LTK: variants seen among roughly 807,000 people sequenced by gnomAD.
The protein encoded by LTK is leukocyte tyrosine kinase receptor.
Under a neutral mutation model 101.5 loss-of-function variants are expected in LTK, and 117 were observed. The ratio of observed to expected loss-of-function variants is 1.15; its 90% CI spans 0.99 to 1.34. The LOEUF (loss-of-function observed/expected upper bound fraction) is 1.34. LTK is among the 40% of genes most tolerant of loss of function. LTK has a pLI of 0.00. For synonymous variants in LTK, 563 were observed against 494.2 expected, an observed-to-expected ratio of 1.14 and a Z score of -1.85; for missense variants, 1,252 against 1,164.7, an observed-to-expected ratio of 1.07 and a Z score of -1.09.
chr15:41,504,349 C>T lies in LTK; in HGVS notation c.2339G>A (p.Cys780Tyr), dbSNP rs756389477. 4 of 1,613,982 alleles carry T rather than the reference C, an allele frequency of 2.5e-6. No individual in the cohort carries two copies. The African/African-American group carries it at 5.3e-5, about 22-fold the overall frequency. Residue 780 changes from cysteine to tyrosine, a missense_variant, in exon 19 of 20, where the codon TGC (cysteine) becomes TAC (tyrosine). Coordinates refer to ENST00000263800, the MANE Select transcript of LTK (RefSeq NM_002344.6). ...FASILERLQY[C>Y]TQDPDVLNSL... ...ATTAGGTCGGGGGCACACCTGAGTG[C>T]AGTACTGCAGACGCTCCAAGATGCT...
In LTK at chr15:41,503,984, G is replaced by A. The variant is rs1220738128; in HGVS notation, c.*12C>T. The A allele has an allele frequency of 6.3e-7, 1 of 1,585,208 alleles. No homozygotes were observed. Among genetic ancestry groups the A allele is most frequent in the South Asian group, 1.1e-5 (1 of 87,434 alleles). On this transcript the variant is annotated 3_prime_UTR_variant, in exon 20 of 20. Coordinates refer to ENST00000263800, the MANE Select transcript of LTK (RefSeq NM_002344.6). ...CAGTGCCTCAGTCCTTACCCTCAGG[G>A]CCCCTTGGGGCTCAGGAGCGATAAG...
Position 41,507,537 on chromosome 15 carries a change from A to G in LTK, c.1345+25T>C, listed in dbSNP as rs371281076. The G allele has an allele frequency of 3.2e-5, 51 of 1,610,384 alleles. 1 individual carries two copies. In the East Asian group the frequency reaches 1.1e-3, roughly 33 times the overall value. On this transcript the variant is annotated intron_variant, in intron 10 of 19. Transcript: ENST00000263800. ...ACTGGAGAGGAGCAGCCTTGAATCA[A>G]CTGTGCCTGCTAGACGCTTCGTACC...
rs1032660029 is a variant in LTK, at chr15:41,504,798, T to C, written c.2095A>G (p.Ile699Val). The C allele has an allele frequency of 1.2e-6, 2 of 1,612,898 alleles. No individual in the cohort carries two copies. Among genetic ancestry groups the C allele is most frequent in the African/African-American group, 1.3e-5 (1 of 74,894 alleles). The change falls in exon 17 of 20, where the codon ATC becomes GTC. Residue 699 changes from isoleucine (I) to valine (V), a missense_variant. By Grantham distance (29) the Ile-to-Val change is conservative (BLOSUM62 3). Transcript: ENST00000263800. ...WMPPEAFLEG[I>V]FTSKTDSWSF... ...CAGGAATCTGTCTTGGATGTGAAGA[T>C]GCCCTCCAGGAAGGCCTCTGGGGGC...
At position 41,511,714 on chromosome 15, in the gene LTK, G is replaced by C. The variant is rs1453054809; in HGVS notation, c.657+103C>G. Reference sequence around the variant, plus strand: ...CCAGCCCAGGCCAGCCCAGCCCAGCGCAGGGATAGGGGGACCCCAAGGGAC... The same window carrying C: ...CCAGCCCAGGCCAGCCCAGCCCAGCCCAGGGATAGGGGGACCCCAAGGGAC... On this transcript the variant is annotated intron_variant, in intron 5 of 19. Transcript: ENST00000263800. This position sits in a 1 kb window ranked among gnomAD's most constrained non-coding sequence, Gnocchi z 5.9. The C allele has an allele frequency of 1.4e-6, 2 of 1,429,054 alleles. No homozygotes were observed. Among genetic ancestry groups the C allele is most frequent in the Non-Finnish European group, 1.8e-6 (2 of 1,100,496 alleles). The allele number at this position is 1,429,054 out of a possible 1,614,324, so 88.5% of individuals were successfully genotyped here. A position where few individuals can be genotyped will look rare whatever the true frequency, so the allele number is the denominator to read the frequency against.
chr15:41,513,648 A>C lies in LTK; in HGVS notation c.43+19T>G. 6.2e-7 allele frequency: 1 copy of C among 1,612,644 alleles called. No individual in the cohort carries two copies. The highest frequency in any genetic ancestry group is 8.5e-7 in the Non-Finnish European group (1 of 1,179,466). Reference sequence around the variant, plus strand: ...GTGCCTCAGGCTGGACGGTCCCCTGACCGCCAGATAGCACTTACCCGCGGC... The same window carrying C: ...GTGCCTCAGGCTGGACGGTCCCCTGCCCGCCAGATAGCACTTACCCGCGGC... On this transcript the variant is annotated intron_variant, in intron 1 of 19. Transcript: ENST00000263800.
Position 41,507,085 on chromosome 15 carries a change from G to A in LTK, c.1541+10C>T. The stretch of plus-strand genomic sequence containing the variant: ...GTGCATAGGTTCTCAGAAGGAGGCA[G>A]AAGACTTACCTGAGCAGAGTAACAT... On this transcript the variant is annotated intron_variant, in intron 11 of 19. Coordinates refer to ENST00000263800, the MANE Select transcript of LTK (RefSeq NM_002344.6). 1.2e-6 allele frequency: 2 copies of A among 1,608,940 alleles called. No individual in the cohort carries two copies. The highest frequency in any genetic ancestry group is 1.7e-4 in the Middle Eastern group (1 of 6,028).
In LTK at chr15:41,513,775, T is replaced by G. The variant is rs560724879; in HGVS notation, c.-66A>C. On this transcript the variant is annotated 5_prime_UTR_variant, in exon 1 of 20. Transcript: ENST00000263800. ...CGGCCACACCCCTGTCAACCTAAAG[T>G]TGACAGCTCATTTTGCCACGGCAGC... 5.6e-6 allele frequency: 8 copies of G among 1,426,334 alleles called. No homozygotes were observed. Among genetic ancestry groups the G allele is most frequent in the Non-Finnish European group, 7.9e-6 (8 of 1,009,642 alleles). The allele number at this position is 1,426,334 out of a possible 1,614,324, so 88.4% of individuals were successfully genotyped here.
At position 41,505,481 on chromosome 15, in the gene LTK, C is replaced by T. The variant is rs1300618698; in HGVS notation, c.1747G>A (p.Ala583Thr). The change falls in exon 14 of 20, where the codon GCC (alanine) becomes ACC (threonine). Residue 583 changes from alanine (A) to threonine (T), a missense_variant. Coordinates refer to ENST00000263800, the MANE Select transcript of LTK (RefSeq NM_002344.6). ...IVRCVGLSLR[A>T]TPRLILLELM... is the part of the protein sequence containing the mutation. ...TCCAGCAGAATGAGGCGAGGGGTGGCCCTGAGGCTGAGCCCCACACACCGC... is the reference window on the plus strand; with the variant it reads ...TCCAGCAGAATGAGGCGAGGGGTGGTCCTGAGGCTGAGCCCCACACACCGC... 2.5e-6 allele frequency: 4 copies of T among 1,614,068 alleles called. No individual in the cohort carries two copies. Among genetic ancestry groups the T allele is most frequent in the Non-Finnish European group, 3.4e-6 (4 of 1,180,002 alleles).
At chr15:41,507,071 C>G in intron 11 of LTK, 24 bp downstream of exon 11, 1 of 1,600,476 alleles carries the variant, frequency 6.2e-7, no homozygotes. Flanking sequence ...TGCATAGGTT[C>G]TCAGAAGGAG....
At chr15:41,506,119 TAG>T (rs1040903453) in intron 11 of LTK, 114 bp from the exon 12 acceptor site, 1 of 674,860 alleles carries the variant, frequency 1.5e-6, no homozygotes, top group African/African-American at 1.8e-5. Context: ...TGACCCTATA[TAG>T]ACTCTCTCCA....
chr15:41,511,304 G>C lies in LTK; in HGVS notation c.857C>G (p.Ala286Gly), dbSNP rs2051451069. ...GWTSRAPSPQAGRSLQEGAEG... is the reference protein window; with the variant it reads ...GWTSRAPSPQGGRSLQEGAEG... ...CGCCCCCTCCTGCAGTGAGCGGCCGGCCTGCGGAGAGGGAGCCCGCGACGT... is the reference window on the plus strand; with the variant it reads ...CGCCCCCTCCTGCAGTGAGCGGCCGCCCTGCGGAGAGGGAGCCCGCGACGT... Residue 286 changes from alanine to glycine, a missense_variant, in exon 7 of 20, where the codon GCC (alanine) becomes GGC (glycine). Transcript: ENST00000263800. This position sits in a 1 kb window ranked among gnomAD's most constrained non-coding sequence, Gnocchi z 5.9. The C allele has an allele frequency of 1.5e-6, 2 of 1,372,216 alleles. No homozygotes were observed. The highest frequency in any genetic ancestry group is 1.9e-6 in the Non-Finnish European group (2 of 1,070,814). 85.0% of individuals were successfully genotyped at this position (1,372,216 alleles called of 1,614,324 possible). A position where few individuals can be genotyped will look rare whatever the true frequency, so the allele number is the denominator to read the frequency against.
At position 41,504,093 on chromosome 15, in the gene LTK, C is replaced by T; in HGVS notation, c.2498G>A (p.Gly833Asp). 2 of 1,614,076 alleles carry T rather than the reference C, an allele frequency of 1.2e-6. No homozygotes were observed. Among genetic ancestry groups the T allele is most frequent in the Non-Finnish European group, 8.5e-7 (1 of 1,180,028 alleles). The change falls in exon 20 of 20, where the codon GGT becomes GAT. Residue 833 changes from glycine to aspartate, a missense_variant. Physicochemically the swap from Gly to Asp is moderately conservative, Grantham distance 94 (BLOSUM62 -1). Coordinates refer to ENST00000263800, the MANE Select transcript of LTK (RefSeq NM_002344.6). ...LSPEKLKSWG[G>D]SPLGPWLSSG... is the part of the protein sequence containing the mutation. ...GGACAGCCAGGGGCCAAGAGGGCTACCTCCCCAGCTTTTCAACTTCTCTGG... is the reference window on the plus strand; with the variant it reads ...GGACAGCCAGGGGCCAAGAGGGCTATCTCCCCAGCTTTTCAACTTCTCTGG...
In LTK at chr15:41,507,577, C is replaced by A; in HGVS notation, c.1330G>T (p.Gly444Trp). ...CGCTTCGTACCCAGAATCAGGACCC[C>A]ACACACCATAAGGAGGCTCAGTGTT... ...TSTLSLLMVC[G>W]VLILVKQKKW... Residue 444 changes from glycine to tryptophan, a missense_variant, in exon 10 of 20, where the codon GGG (glycine) becomes TGG (tryptophan). Gly to Trp is a radical substitution (Grantham distance 184). Coordinates refer to ENST00000263800, the MANE Select transcript of LTK (RefSeq NM_002344.6). 6.2e-7 allele frequency: 1 copy of A among 1,613,870 alleles called. No homozygotes were observed. Among genetic ancestry groups the A allele is most frequent in the South Asian group, 1.1e-5 (1 of 90,988 alleles).
In LTK at chr15:41,503,729, C is replaced by A; in HGVS notation, c.*267G>T. The A allele has an allele frequency of 1.5e-6, 1 of 652,718 alleles. No individual in the cohort carries two copies. Among genetic ancestry groups the A allele is most frequent in the Non-Finnish European group, 2.8e-6 (1 of 352,774 alleles). The allele number at this position is 652,718 out of a possible 1,614,324, so 40.4% of individuals were successfully genotyped here. A position where few individuals can be genotyped will look rare whatever the true frequency, so the allele number is the denominator to read the frequency against. On this transcript the variant is annotated 3_prime_UTR_variant, in exon 20 of 20. Transcript: ENST00000263800. ...CTCATAATGGGAGAGCAATCCAGTG[C>A]TCCCCATGGACACCTGGGGTGTGTG...
At chr15:41,507,480 C>G (rs757528990) in intron 10 of LTK, 82 bp downstream of exon 10, 11 of 1,564,698 alleles carry the variant, frequency 7.0e-6, no homozygotes, top group Non-Finnish European at 9.5e-6. Context: ...TTGAAGTCAG[C>G]CCCGGGACCC....
chr15:41,507,149 C>T lies in LTK; in HGVS notation c.1487G>A (p.Trp496Ter). 3 of 1,613,654 alleles carry T rather than the reference C, an allele frequency of 1.9e-6. No individual in the cohort carries two copies. Among genetic ancestry groups the T allele is most frequent in the Non-Finnish European group, 2.5e-6 (3 of 1,179,926 alleles). Residue 496 changes from tryptophan to a stop codon, truncating the protein, a stop_gained, in exon 11 of 20, where the codon TGG becomes TAG. Coordinates refer to ENST00000263800, the MANE Select transcript of LTK (RefSeq NM_002344.6). LOFTEE classifies it high-confidence loss of function. ...CTCGGTGACACCTGGTGGCAGAGGCCAGGACTGGGCCGGGCCAAGCCCCAC... is the reference window on the plus strand; with the variant it reads ...CTCGGTGACACCTGGTGGCAGAGGCTAGGACTGGGCCGGGCCAAGCCCCAC... ...CQVGLGPAQS[W>*]PLPPGVTEVS... is the part of the protein sequence containing the mutation.
Position 41,504,784 on chromosome 15 carries a change from C to T in LTK, c.2109G>A (p.Lys703=). ...EAFLEGIFTS[K]TDSWSFGVLL... ...AAGGGTGTTATCACCAGGAATCTGT[C>T]TTGGATGTGAAGATGCCCTCCAGGA... The change falls in exon 17 of 20, where the codon AAG becomes AAA. Residue 703 remains lysine, a synonymous_variant. Transcript: ENST00000263800. 1 of 1,612,328 alleles carries T rather than the reference C, an allele frequency of 6.2e-7. No individual in the cohort carries two copies. Among genetic ancestry groups the T allele is most frequent in the Non-Finnish European group, 8.5e-7 (1 of 1,179,532 alleles).
Position 41,505,070 on chromosome 15 carries a change from G to C in LTK, c.1926-6C>G, listed in dbSNP as rs756679922. The C allele has an allele frequency of 3.7e-6, 6 of 1,607,116 alleles. No homozygotes were observed. The highest frequency in any genetic ancestry group is 5.1e-6 in the Non-Finnish European group (6 of 1,176,138). On this transcript the variant is annotated splice_polypyrimidine_tract_variant and splice_region_variant and intron_variant, in intron 15 of 19. Coordinates refer to ENST00000263800, the MANE Select transcript of LTK (RefSeq NM_002344.6). Reference sequence around the variant, plus strand: ...AGTTCCGGGCGGCAATATCCCTACAGAGTAGGCAAAAAAAATCACTGCCAG... The same window carrying C: ...AGTTCCGGGCGGCAATATCCCTACACAGTAGGCAAAAAAAATCACTGCCAG...
At chr15:41,509,271 A>C in intron 7 of LTK, 142 bp from the exon 8 acceptor site, 1 of 690,210 alleles carries the variant, frequency 1.4e-6, no homozygotes, top group African/African-American at 1.7e-5. Flanking sequence ...AGTGGGAGTG[A>C]AGGAGGTGAG....
Sources: allele counts gnomAD v4.1 joint callset, GRCh38; gene constraint gnomAD v4.1.1; non-coding constraint Gnocchi (gnomAD v3.1); transcripts MANE v1.5; gene names NCBI Gene and HGNC (gene_info 2026-07-23, HGNC 2026-07-21).